Variants in ZFPM2 observed in about 807,000 individuals in gnomAD.
ZFPM2 encodes the protein zinc finger protein ZFPM2.
A neutral mutation model predicts 98.6 loss-of-function variants in ZFPM2; 20 were observed. The observed-to-expected ratio is 0.20, with a 90% confidence interval of 0.14 to 0.29. The LOEUF is 0.29. ZFPM2 is among the 10% of genes least tolerant of loss of function. The pLI, the probability that ZFPM2 is intolerant of heterozygous loss-of-function variation, is 1.00. For synonymous variants in ZFPM2, 518 were observed against 502.7 expected, an observed-to-expected ratio of 1.03 and a Z score of -0.41; for missense variants, 1,310 against 1,388.6, an observed-to-expected ratio of 0.94 and a Z score of 0.90.
chr8:105,455,951 A>G (rs1323480452), intron 3 of ZFPM2, among the ~76,000 whole-genome samples: 2 of 152,162 alleles, frequency 1.3e-5, no homozygotes, highest in Admixed American at 6.5e-5. Flanking sequence ...CAGTGTACTC[A>G]TGGCAGTGGA....
chr8:105,574,940 GA>G (rs35315582), intron 4 of ZFPM2, among the ~76,000 whole-genome samples: 18,704 of 145,682 alleles, frequency 0.13, 1,427 homozygotes, highest in Non-Finnish European at 0.18. Flanking sequence ...GCTCCTATAG[GA>G]AAAAAAAAAA....
intron 1 of ZFPM2, among the ~76,000 whole-genome samples, chr8:105,355,103 G>A (rs976380970): frequency 3.3e-5 from 5 of 151,962 alleles, no homozygotes; most frequent in African/African-American, 9.7e-5. Context: ...ATTTATTCAC[G>A]GAAAATATGA....
intron 1 of ZFPM2, among the ~76,000 whole-genome samples, chr8:105,331,025 C>T (rs1398134437): frequency 1.3e-5 from 2 of 150,536 alleles, no homozygotes; most frequent in South Asian, 2.1e-4. Flanking sequence ...TTTTGGTGTT[C>T]ACACACACAC....
intron 3 of ZFPM2, among the ~76,000 whole-genome samples, chr8:105,452,822 A>G (rs1370370923): frequency 6.6e-6 from 1 of 152,166 alleles, no homozygotes; most frequent in Non-Finnish European, 1.5e-5. Context: ...TTAAATATTT[A>G]TATTGGACCA....
chr8:105,355,271 C>G (rs1310205870), intron 1 of ZFPM2, among the ~76,000 whole-genome samples: 1 of 152,086 alleles, frequency 6.6e-6, no homozygotes, highest in Non-Finnish European at 1.5e-5. Context: ...TATTTTTATT[C>G]TAACTGGTAA....
rs77050706 is a variant in ZFPM2, at chr8:105,446,509, G to T, written c.301+2128G>T. Among the ~76,000 whole-genome samples the T allele has an allele frequency of 2.4e-3, 361 of 152,226 alleles. 2 individuals are homozygous for T. The highest frequency in any genetic ancestry group is 8.3e-3 in the African/African-American group (343 of 41,528). On this transcript the variant is annotated intron_variant, in intron 3 of 7. Transcript: ENST00000407775. ...TTCAGGAAGCTTTTCGAGAAATAAA[G>T]TTGTATTTGTGGCTAATAAAAGAGG... is the stretch of plus-strand genomic sequence containing the variant.
chr8:105,406,280 A>G (rs920366254), intron 1 of ZFPM2, among the ~76,000 whole-genome samples: 1 of 152,050 alleles, frequency 6.6e-6, no homozygotes. Context: ...CTTTAGTTTA[A>G]TTAGATCCCA....
At chr8:105,458,155 T>C (rs748691386) in intron 3 of ZFPM2, among the ~76,000 whole-genome samples, 23 of 152,148 alleles carry the variant, frequency 1.5e-4, no homozygotes, top group Non-Finnish European at 2.8e-4. Flanking sequence ...CAGAGTCTTT[T>C]TGACAAAATT....
chr8:105,483,633 T>A (rs1813168541), intron 3 of ZFPM2, among the ~76,000 whole-genome samples: 1 of 151,912 alleles, frequency 6.6e-6, no homozygotes, highest in Non-Finnish European at 1.5e-5. Flanking sequence ...TTCTCATAGA[T>A]CTTTGAAGAT....
At chr8:105,597,740 G>A (rs1006447688) in intron 4 of ZFPM2, among the ~76,000 whole-genome samples, 14 of 152,194 alleles carry the variant, frequency 9.2e-5, no homozygotes, top group Non-Finnish European at 1.6e-4. Context: ...AAGTTACTAA[G>A]AAAGTATATG....
intron 5 of ZFPM2, among the ~76,000 whole-genome samples, chr8:105,707,545 G>A (rs6980689): frequency 0.33 from 49,776 of 151,952 alleles, 8,734 homozygotes; most frequent in East Asian, 0.64. Context: ...GTCTTTGTCT[G>A]TTGGTCAGGG....
chr8:105,726,951 T>C (rs1811823254), intron 5 of ZFPM2, among the ~76,000 whole-genome samples: 1 of 151,598 alleles, frequency 6.6e-6, no homozygotes, highest in African/African-American at 2.4e-5. Flanking sequence ...AGTTGTCACA[T>C]GTAAAGGAAT....
intron 3 of ZFPM2, among the ~76,000 whole-genome samples, chr8:105,481,283 CCTTGGACTGTGTGGCTTAAACAA>C (rs144796487): frequency 0.03 from 4,612 of 152,102 alleles, 233 homozygotes; most frequent in African/African-American, 0.11. Context: ...TAACAAAATT[CCTTGGACTGTGTGGCTTAAACAA>C]CTGAAATTTA....
At position 105,510,416 on chromosome 8, in the gene ZFPM2, TG is replaced by T. The variant is rs1296046405; in HGVS notation, c.302-50946del. Among the ~76,000 whole-genome samples the T allele has an allele frequency of 1.8e-3, 272 of 148,860 alleles. 2 individuals are homozygous for T. Among genetic ancestry groups the T allele is most frequent in the African/African-American group, 5.7e-3 (228 of 39,798 alleles). Reference sequence around the variant, plus strand: ...TGTGCATGTTTTTTTTTTTTTTGTTTGTTTGTTTGTTTCCAAGGAATTGCTT... The same window carrying T: ...TGTGCATGTTTTTTTTTTTTTTGTTTTTTGTTTGTTTCCAAGGAATTGCTT... On this transcript the variant is annotated intron_variant, in intron 3 of 7. Coordinates refer to ENST00000407775, the MANE Select transcript of ZFPM2 (RefSeq NM_012082.4).
chr8:105,493,479 A>G (rs145980697), intron 3 of ZFPM2, among the ~76,000 whole-genome samples: 9 of 152,330 alleles, frequency 5.9e-5, no homozygotes, highest in African/African-American at 2.2e-4. Flanking sequence ...ACCGCATGCT[A>G]TACAACACAC....
At chr8:105,380,457 A>G (rs186988893) in intron 1 of ZFPM2, among the ~76,000 whole-genome samples, 9 of 148,786 alleles carry the variant, frequency 6.0e-5, no homozygotes, top group African/African-American at 2.2e-4. Context: ...CTCACTCACG[A>G]TCAACATTAC....
chr8:105,686,411 T>C (rs917640969), intron 5 of ZFPM2, among the ~76,000 whole-genome samples: 16 of 152,128 alleles, frequency 1.1e-4, no homozygotes, highest in African/African-American at 3.6e-4. Context: ...GTAGCATTTT[T>C]TTGGAGGCTC....
At position 105,379,718 on chromosome 8, in the gene ZFPM2, G is replaced by A. The variant is rs182955865; in HGVS notation, c.41-39426G>A. Reference sequence around the variant, plus strand: ...TGGTGAGCCGAGATCACGCCATTGCGCTCCAGCCTGGGTAACAAGAGTGAA... The same window carrying A: ...TGGTGAGCCGAGATCACGCCATTGCACTCCAGCCTGGGTAACAAGAGTGAA... On this transcript the variant is annotated intron_variant, in intron 1 of 7. Coordinates refer to ENST00000407775, the MANE Select transcript of ZFPM2 (RefSeq NM_012082.4). Among the ~76,000 whole-genome samples, 635 of 148,274 alleles carry A rather than the reference G, an allele frequency of 4.3e-3. 4 individuals are homozygous for A. The highest frequency in any genetic ancestry group is 0.015 in the African/African-American group (609 of 40,040).
chr8:105,394,071 T>G (rs2129950011), intron 1 of ZFPM2, among the ~76,000 whole-genome samples: 1 of 152,134 alleles, frequency 6.6e-6, no homozygotes, highest in Admixed American at 6.5e-5. Context: ...TTTTTTGTAT[T>G]TTTATTAGAG....
Sources: gnomAD v4.1 joint callset for allele counts (sites outside exome capture counted in the v4.1 genomes callset) on GRCh38, gnomAD v4.1.1 for gene constraint, MANE v1.5 for transcripts, NCBI Gene and HGNC (gene_info 2026-07-23, HGNC 2026-07-21) for gene names.